Variants in MSI2 observed in about 807,000 individuals in gnomAD.
MSI2 encodes musashi RNA binding protein 2.
A neutral mutation model predicts 45.6 loss-of-function variants in MSI2; 17 were observed. The ratio of observed to expected loss-of-function variants is 0.37; its 90% CI spans 0.26 to 0.56. The LOEUF (loss-of-function observed/expected upper bound fraction) is 0.56. Ranked by LOEUF, MSI2 falls within the 20% of genes least tolerant of loss-of-function variation. The pLI is 0.77. For synonymous variants in MSI2, 156 were observed against 158.2 expected (o/e 0.99, Z 0.11); for missense variants, 293 against 444.2 (o/e 0.66, Z 3.06).
chr17:57,594,935 G>A (rs1425298654), intron 7 of MSI2, among the ~76,000 whole-genome samples: 1 of 152,200 alleles, frequency 6.6e-6, no homozygotes, highest in African/African-American at 2.4e-5. Context: ...TTTGGCGGGT[G>A]GTGGTAGCAA....
chr17:57,653,243 A>G (rs1289258548), intron 11 of MSI2, among the ~76,000 whole-genome samples: 4 of 152,218 alleles, frequency 2.6e-5, no homozygotes. Flanking sequence ...AATCCGTTCC[A>G]TGCAAACTGG....
At chr17:57,395,251 C>T (rs537948772) in intron 5 of MSI2, among the ~76,000 whole-genome samples, 1 of 152,332 alleles carries the variant, frequency 6.6e-6, no homozygotes, top group East Asian at 1.9e-4. Flanking sequence ...CTAATTACAT[C>T]TGTAAAGACC....
intron 7 of MSI2, among the ~76,000 whole-genome samples, chr17:57,580,702 A>G (rs1477692975): frequency 6.6e-6 from 1 of 152,200 alleles, no homozygotes; most frequent in Non-Finnish European, 1.5e-5. Context: ...AGAGGCTTCA[A>G]TAAACCCCTC....
chr17:57,641,861 C>A (rs558326695), intron 10 of MSI2, among the ~76,000 whole-genome samples: 6 of 152,306 alleles, frequency 3.9e-5, no homozygotes, highest in African/African-American at 1.4e-4. Flanking sequence ...AGGCTGCTGG[C>A]ACAGGGTAGC....
At chr17:57,390,655 G>A in intron 5 of MSI2, among the ~76,000 whole-genome samples, 1 of 152,204 alleles carries the variant, frequency 6.6e-6, no homozygotes, top group East Asian at 1.9e-4. Flanking sequence ...GGGGGATGGG[G>A]TAACTTGGCT....
rs898862047 is a variant in MSI2 at position 57,627,225 on chromosome 17, C to A, written c.653-4C>A. 6.2e-7 allele frequency: 1 copy of A among 1,614,140 alleles called. No individual in the cohort carries two copies. The highest frequency in any genetic ancestry group is 8.5e-7 in the Non-Finnish European group (1 of 1,179,978). Reference sequence around the variant, plus strand: ...GGACTCTGATCTTTCTCTTTGTGTTCAAGGATATCCCAACTTCGTGGCGAC... The same window carrying A: ...GGACTCTGATCTTTCTCTTTGTGTTAAAGGATATCCCAACTTCGTGGCGAC... On this transcript the variant is annotated splice_region_variant and splice_polypyrimidine_tract_variant and intron_variant, in intron 9 of 13. Coordinates refer to ENST00000284073, the MANE Select transcript of MSI2 (RefSeq NM_138962.4). The surrounding 1 kb of genome is among the most constrained non-coding windows in gnomAD (Gnocchi z 4.6).
chr17:57,523,427 G>T (rs2086636236), intron 6 of MSI2: 1 of 152,234 alleles, frequency 6.6e-6, no homozygotes, highest in South Asian at 2.1e-4. Flanking sequence ...GATGTGGTCA[G>T]TACCATCTGG....
intron 5 of MSI2, chr17:57,279,225 C>T (rs1450170104): frequency 2.0e-5 from 3 of 152,336 alleles, no homozygotes; most frequent in East Asian, 3.9e-4. Context: ...TCTGGCTGCT[C>T]CCAGGCTAGC....
intron 6 of MSI2, among the ~76,000 whole-genome samples, chr17:57,474,849 G>C (rs1031231797): frequency 6.6e-5 from 10 of 152,128 alleles, no homozygotes; most frequent in Non-Finnish European, 1.0e-4. Context: ...ATCCTGAGTA[G>C]CTGGGATTAC....
rs372822835 is a variant in MSI2, at chr17:57,510,131, A to G, written c.406-19545A>G. ...TCTGCCCCACGAGGTTTCCCCATCT[A>G]CTCCTTCCTCTGTCTTGGTCCCATA... On this transcript the variant is annotated intron_variant, in intron 6 of 13. Coordinates refer to ENST00000284073, the MANE Select transcript of MSI2 (RefSeq NM_138962.4). Among the ~76,000 whole-genome samples, 5 of 151,036 alleles carry G rather than the reference A, an allele frequency of 3.3e-5. No homozygotes were observed. The South Asian group carries it at 6.3e-4, about 19-fold the overall frequency.
intron 5 of MSI2, among the ~76,000 whole-genome samples, chr17:57,295,959 A>G (rs1436628880): frequency 2.5e-5 from 3 of 118,996 alleles, no homozygotes; most frequent in Non-Finnish European, 5.1e-5. Context: ...AATTTTCTTT[A>G]CAAAGTTTGA....
At chr17:57,549,224 C>T (rs2087246785) in intron 7 of MSI2, among the ~76,000 whole-genome samples, 1 of 151,988 alleles carries the variant, frequency 6.6e-6, no homozygotes, top group African/African-American at 2.4e-5. Flanking sequence ...GTGCATGCTG[C>T]CATCTAAGAC....
chr17:57,367,438 T>A (rs1917274833), intron 5 of MSI2, among the ~76,000 whole-genome samples: 1 of 152,222 alleles, frequency 6.6e-6, no homozygotes, highest in Admixed American at 6.5e-5. Context: ...GAGCAGTTAA[T>A]ATACGGTTGG....
At chr17:57,301,497 G>C in intron 5 of MSI2, among the ~76,000 whole-genome samples, 1 of 152,232 alleles carries the variant, frequency 6.6e-6, no homozygotes, top group African/African-American at 2.4e-5. Flanking sequence ...CAATACCTTT[G>C]ATACCCCTGG....
At chr17:57,378,557 C>T (rs1335301438) in intron 5 of MSI2, among the ~76,000 whole-genome samples, 3 of 152,134 alleles carry the variant, frequency 2.0e-5, no homozygotes, top group Non-Finnish European at 2.9e-5. Flanking sequence ...CCACTGTGCC[C>T]GGCCAATTTT....
intron 5 of MSI2, among the ~76,000 whole-genome samples, chr17:57,304,418 ATTTT>A (rs143028135): frequency 1.9e-4 from 26 of 138,016 alleles, no homozygotes; most frequent in African/African-American, 7.0e-4. Context: ...ATAAAGAGTA[ATTTT>A]TTTTTTTTTT....
intron 12 of MSI2, among the ~76,000 whole-genome samples, chr17:57,675,987 G>T (rs1422167330): frequency 6.8e-6 from 1 of 146,958 alleles, no homozygotes; most frequent in Admixed American, 6.8e-5. Context: ...CAGAAAATTG[G>T]CCAACCTTTG....
intron 6 of MSI2, among the ~76,000 whole-genome samples, chr17:57,458,098 C>CT (rs1463769730): frequency 2.2e-4 from 32 of 146,768 alleles, no homozygotes; most frequent in African/African-American, 7.8e-4. Context: ...CATATATATA[C>CT]CTTTTTTTTT....
intron 5 of MSI2, among the ~76,000 whole-genome samples, chr17:57,300,036 C>G (rs576203698): frequency 1.3e-5 from 2 of 152,308 alleles, no homozygotes; most frequent in Admixed American, 6.5e-5. Context: ...TCATCTCTGC[C>G]CATCTCTACA....
Sources: allele counts gnomAD v4.1 joint callset (sites outside exome capture counted in the v4.1 genomes callset), GRCh38; gene constraint gnomAD v4.1.1; non-coding constraint Gnocchi (gnomAD v3.1); transcripts MANE v1.5; gene names NCBI Gene and HGNC (gene_info 2026-07-23, HGNC 2026-07-21).